FBXO22: variants seen among roughly 807,000 people sequenced by gnomAD.
FBXO22 encodes F-box only protein 22.
In FBXO22, 13 loss-of-function variants were observed where a neutral mutation model predicts 37.2. That is an observed-to-expected ratio of 0.35 (90% confidence interval 0.23 to 0.56). The LOEUF is 0.56. Among genes scored for constraint, FBXO22 ranks in the 20% least tolerant of loss-of-function variants. The pLI, the probability that FBXO22 is intolerant of heterozygous loss-of-function variation, is 0.87. For missense variants in FBXO22, 446 were observed against 509.9 expected, an observed-to-expected ratio of 0.87 and a Z score of 1.21; for synonymous variants, 189 against 189.1, an observed-to-expected ratio of 1.00 and a Z score of 0.00.
At chr15:75,915,963 T>C (rs2655135) in intron 4 of FBXO22, among the ~76,000 whole-genome samples, 147,717 of 149,208 alleles carry the variant, frequency 0.99, 73,139 homozygotes, top group Non-Finnish European at 1. Flanking sequence ...TCCAGCTACT[T>C]GGGAGGCTGA....
At chr15:75,904,155 A>G (rs374074953) in intron 1 of FBXO22, 52 bp downstream of exon 1, 30,501 of 1,494,554 alleles carry the variant, frequency 0.02, 405 homozygotes, top group Non-Finnish European at 0.024. Flanking sequence ...CGCCGTGGGC[A>G]TGTCCCAGGC....
intron 6 of FBXO22, among the ~76,000 whole-genome samples, chr15:75,932,433 G>A (rs2030064992): frequency 1.3e-5 from 2 of 152,124 alleles, no homozygotes; most frequent in African/African-American, 4.8e-5. Flanking sequence ...TTCAGAAATC[G>A]TTATGGATGT....
At position 75,914,179 on chromosome 15, in the gene FBXO22, T is replaced by G; in HGVS notation, c.437T>G (p.Leu146Arg). The change falls in exon 4 of 7, where the codon CTT becomes CGT. Residue 146 changes from leucine to arginine, a missense_variant. Leu to Arg is a moderately radical substitution (Grantham distance 102). Transcript: ENST00000308275. ...EKLFPKQCQV[L>R]GIVTPGIVVT... ...CTATTCCCCAAACAATGCCAAGTCC[T>G]TGGGATTGTGACCCCAGGAATTGTA... 1 of 1,613,730 alleles carries G rather than the reference T, an allele frequency of 6.2e-7. No homozygotes were observed. Among genetic ancestry groups the G allele is most frequent in the Non-Finnish European group, 8.5e-7 (1 of 1,179,780 alleles).
At position 75,938,846 on chromosome 15, in the gene FBXO22, A is replaced by G. The variant is rs1020128626; in HGVS notation, c.*5744A>G. ...ACAAAAGGAAAATTGGAAAATTCAC[A>G]AACTTGTGGAAATTAAACAAAACAC... is the stretch of plus-strand genomic sequence containing the variant. On this transcript the variant is annotated 3_prime_UTR_variant, in exon 7 of 7. Transcript: ENST00000308275. 2 of 152,190 alleles carry G rather than the reference A, an allele frequency of 1.3e-5. No homozygotes were observed. Among genetic ancestry groups the G allele is most frequent in the South Asian group, 2.1e-4 (1 of 4,826 alleles). 9.4% of individuals were successfully genotyped at this position (152,190 alleles called of 1,614,324 possible).
intron 6 of FBXO22, among the ~76,000 whole-genome samples, chr15:75,931,945 G>A (rs2030036651): frequency 1.3e-5 from 2 of 152,196 alleles, no homozygotes; most frequent in Admixed American, 1.3e-4. Flanking sequence ...TGAGTGCAGT[G>A]GCTCATGCCT....
At chr15:75,931,998 G>C (rs112276452) in intron 6 of FBXO22, among the ~76,000 whole-genome samples, 2 of 152,202 alleles carry the variant, frequency 1.3e-5, no homozygotes, top group African/African-American at 4.8e-5. Context: ...AGGATTGCTT[G>C]AGCCCAGGAG....
At chr15:75,929,854 C>T (rs2029948065) in intron 5 of FBXO22, 30 bp from the exon 6 acceptor site, 2 of 1,613,218 alleles carry the variant, frequency 1.2e-6, no homozygotes, top group Middle Eastern at 3.3e-4. Context: ...TTAAGGCTGT[C>T]TTTAACTGTT....
intron 5 of FBXO22, 78 bp downstream of exon 5, chr15:75,917,472 G>C: frequency 9.4e-7 from 1 of 1,069,412 alleles, no homozygotes; most frequent in Non-Finnish European, 1.3e-6. Context: ...GCTAGTTGGT[G>C]GATATTAGGT....
intron 6 of FBXO22, among the ~76,000 whole-genome samples, chr15:75,931,985 A>C (rs1191310807): frequency 1.3e-5 from 2 of 152,210 alleles, no homozygotes. Context: ...AGGCTGAGGC[A>C]GGAGGATTGC....
rs2030361230 is a variant in FBXO22, at chr15:75,936,596, G to A, written c.*3494G>A. 1 of 150,876 alleles carries A rather than the reference G, an allele frequency of 6.6e-6. No individual in the cohort carries two copies. The highest frequency in any genetic ancestry group is 2.4e-5 in the African/African-American group (1 of 41,080). 9.3% of individuals were successfully genotyped at this position (150,876 alleles called of 1,614,324 possible). A position where few individuals can be genotyped will look rare whatever the true frequency, so the allele number is the denominator to read the frequency against. ...GGTATGGAAACTTTTTTTTTTTTGAGAGAGTTTTGCTCTTGTTGCCCAGGC... is the reference window on the plus strand; with the variant it reads ...GGTATGGAAACTTTTTTTTTTTTGAAAGAGTTTTGCTCTTGTTGCCCAGGC... On this transcript the variant is annotated 3_prime_UTR_variant, in exon 7 of 7. Coordinates refer to ENST00000308275, the MANE Select transcript of FBXO22 (RefSeq NM_147188.3).
At position 75,936,857 on chromosome 15, in the gene FBXO22, G is replaced by A. The variant is rs2030393247; in HGVS notation, c.*3755G>A. On this transcript the variant is annotated 3_prime_UTR_variant, in exon 7 of 7. Coordinates refer to ENST00000308275, the MANE Select transcript of FBXO22 (RefSeq NM_147188.3). ...CAAAGTGCTGGGATTACAGGCGTGA[G>A]CCACCGTGCCCAGCTGGAAACTTTC... The A allele has an allele frequency of 6.6e-6, 1 of 152,176 alleles. No individual in the cohort carries two copies. Among genetic ancestry groups the A allele is most frequent in the South Asian group, 2.1e-4 (1 of 4,832 alleles). 9.4% of individuals were successfully genotyped at this position (152,176 alleles called of 1,614,324 possible).
chr15:75,920,799 G>A (rs1900303981), intron 5 of FBXO22, among the ~76,000 whole-genome samples: 1 of 151,990 alleles, frequency 6.6e-6, no homozygotes, highest in Admixed American at 6.6e-5. Context: ...CTGCAGCCTG[G>A]GTGACAGAGT....
At chr15:75,926,625 T>C (rs920765801) in intron 5 of FBXO22, among the ~76,000 whole-genome samples, 1 of 152,046 alleles carries the variant, frequency 6.6e-6, no homozygotes, top group African/African-American at 2.4e-5. Flanking sequence ...TCATTCGAGG[T>C]TTACTGAGCC....
chr15:75,930,211 AATT>A, intron 6 of FBXO22, 162 bp downstream of exon 6: 1 of 1,454,380 alleles, frequency 6.9e-7, no homozygotes, highest in Non-Finnish European at 9.0e-7. Flanking sequence ...TACTGAACAT[AATT>A]CTGCTTACGG....
chr15:75,924,670 GCAGTGCCTGGCAGCTCTA>G lies in FBXO22; in HGVS notation c.629-5194_629-5177del, dbSNP rs551172658. Reference sequence around the variant, plus strand: ...CCAGGGAAGGGGCTCTAGACTCAGAGCAGTGCCTGGCAGCTCTACAGTGCCTGGCAGCTCTACCTGTCT... The same window carrying G: ...CCAGGGAAGGGGCTCTAGACTCAGAGCAGTGCCTGGCAGCTCTACCTGTCT... On this transcript the variant is annotated intron_variant, in intron 5 of 6. Transcript: ENST00000308275. Among the ~76,000 whole-genome samples the G allele has an allele frequency of 1.5e-3, 231 of 152,236 alleles. 3 individuals carry two copies. Among genetic ancestry groups the G allele is most frequent in the African/African-American group, 4.7e-3 (194 of 41,552 alleles).
chr15:75,903,887 C>T lies in FBXO22; in HGVS notation c.-77C>T, dbSNP rs1466090990. The T allele has an allele frequency of 2.9e-6, 4 of 1,396,542 alleles. No homozygotes were observed. Among genetic ancestry groups the T allele is most frequent in the Middle Eastern group, 2.6e-4 (1 of 3,834 alleles). The allele number at this position is 1,396,542 out of a possible 1,614,324, so 86.5% of individuals were successfully genotyped here. A position where few individuals can be genotyped will look rare whatever the true frequency, so the allele number is the denominator to read the frequency against. On this transcript the variant is annotated 5_prime_UTR_variant, in exon 1 of 7. Coordinates refer to ENST00000308275, the MANE Select transcript of FBXO22 (RefSeq NM_147188.3). ...GCGCGGACGCCTGCTCAGTGCGCGC[C>T]GGCCGGGCAACCCTATGCTGGCGTA...
rs2030351117 is a variant in FBXO22 at position 75,936,498 on chromosome 15, G to A, written c.*3396G>A. The stretch of plus-strand genomic sequence containing the variant: ...ACTTCTACCCTATGCCACAACTGAA[G>A]ACAGGTTACAAGAACATGTGCTACT... On this transcript the variant is annotated 3_prime_UTR_variant, in exon 7 of 7. Transcript: ENST00000308275. The A allele has an allele frequency of 6.6e-6, 1 of 152,100 alleles. No homozygotes were observed. The highest frequency in any genetic ancestry group is 1.9e-4 in the East Asian group (1 of 5,202). 9.4% of individuals were successfully genotyped at this position (152,100 alleles called of 1,614,324 possible). A position where few individuals can be genotyped will look rare whatever the true frequency, so the allele number is the denominator to read the frequency against.
Position 75,932,917 on chromosome 15 carries a change from G to A in FBXO22, c.1027G>A (p.Asp343Asn). The A allele has an allele frequency of 6.2e-7, 1 of 1,614,248 alleles. No individual in the cohort carries two copies. The highest frequency in any genetic ancestry group is 1.1e-5 in the South Asian group (1 of 91,084). Residue 343 changes from aspartate (D) to asparagine (N), a missense_variant, in exon 7 of 7, where the codon GAT (aspartate) becomes AAT (asparagine). This residue lies in a region of FBXO22 where 315 missense variants were observed against 410.1 expected (regional missense o/e 0.77). Transcript: ENST00000308275. ...CAGAGCCAAGGGGAATGTTGAGGCT[G>A]ATGCATTTAGAAAGTTTTTTCCTAG... ...YYRAKGNVEA[D>N]AFRKFFPSVP...
chr15:75,933,316 C>T lies in FBXO22; in HGVS notation c.*214C>T. 1 of 506,360 alleles carries T rather than the reference C, an allele frequency of 2.0e-6. No individual in the cohort carries two copies. Among genetic ancestry groups the T allele is most frequent in the Non-Finnish European group, 3.5e-6 (1 of 286,854 alleles). The allele number at this position is 506,360 out of a possible 1,614,324, so 31.4% of individuals were successfully genotyped here. A position where few individuals can be genotyped will look rare whatever the true frequency, so the allele number is the denominator to read the frequency against. Reference sequence around the variant, plus strand: ...ACTGACTAGGAGTTGAGAGCTTTTGCATCAGGCAGAAGCAAACTGATTATA... The same window carrying T: ...ACTGACTAGGAGTTGAGAGCTTTTGTATCAGGCAGAAGCAAACTGATTATA... On this transcript the variant is annotated 3_prime_UTR_variant, in exon 7 of 7. Transcript: ENST00000308275.
Sources: gnomAD v4.1 joint callset for allele counts (sites outside exome capture counted in the v4.1 genomes callset) on GRCh38, gnomAD v4.1.1 for gene constraint, gnomAD v4.1.1 regional missense constraint, MANE v1.5 for transcripts, NCBI Gene and HGNC (gene_info 2026-07-23, HGNC 2026-07-21) for gene names.